Variants in BRINP3 observed in about 807,000 individuals in gnomAD.
BRINP3 encodes the protein BMP/retinoic acid-inducible neural-specific protein 3.
In BRINP3, 19 loss-of-function variants were observed where a neutral mutation model predicts 71.0. The ratio of observed to expected loss-of-function variants is 0.27; its 90% confidence interval spans 0.19 to 0.39. BRINP3 has a LOEUF of 0.39. Among genes scored for constraint, BRINP3 ranks in the 10% least tolerant of loss-of-function variants. The probability of loss-of-function intolerance (pLI) is 1.00; values close to 1 mark genes in which losing one functional copy is unlikely to be tolerated. For synonymous variants in BRINP3, 380 were observed against 337.7 expected (o/e 1.13, Z -1.37); for missense variants, 959 against 940.8 (o/e 1.02, Z -0.25).
At chr1:190,281,370 T>C (rs899427567) in intron 3 of BRINP3, among the ~76,000 whole-genome samples, 190 bp downstream of exon 3, 1 of 152,004 alleles carries the variant, frequency 6.6e-6, no homozygotes, top group Non-Finnish European at 1.5e-5. Flanking sequence ...CTTAGTAATA[T>C]TCATCTGCTT....
chr1:190,202,168 C>T (rs926813767), intron 6 of BRINP3, among the ~76,000 whole-genome samples: 3 of 152,268 alleles, frequency 2.0e-5, no homozygotes, highest in Admixed American at 6.5e-5. Context: ...GCAAACCTTC[C>T]TCTTGTATCA....
intron 3 of BRINP3, among the ~76,000 whole-genome samples, chr1:190,280,642 A>T (rs1662963844): frequency 6.6e-6 from 1 of 151,868 alleles, no homozygotes; most frequent in African/African-American, 2.4e-5. Context: ...GCCTTTTGTG[A>T]CACCATACCA....
intron 7 of BRINP3, among the ~76,000 whole-genome samples, chr1:190,154,786 C>T (rs550851410): frequency 1.3e-5 from 2 of 152,162 alleles, no homozygotes; most frequent in Admixed American, 1.3e-4. Flanking sequence ...ATAACTTTTG[C>T]CATTATTTTA....
At chr1:190,435,045 T>C (rs1294257159) in intron 2 of BRINP3, among the ~76,000 whole-genome samples, 1 of 152,180 alleles carries the variant, frequency 6.6e-6, no homozygotes, top group Non-Finnish European at 1.5e-5. Flanking sequence ...AAAAAAAGTA[T>C]AGTTTGTTTA....
chr1:190,265,142 G>T, intron 3 of BRINP3, 87 bp from the exon 4 acceptor site: 1 of 1,210,174 alleles, frequency 8.3e-7, no homozygotes, highest in Non-Finnish European at 1.1e-6. Context: ...TCTAGCTTAT[G>T]AATATAGTAA....
intron 4 of BRINP3, among the ~76,000 whole-genome samples, chr1:190,237,986 G>T (rs1282829044): frequency 6.6e-6 from 1 of 151,968 alleles, no homozygotes. Context: ...ATCCTATATT[G>T]TAACAAGAAA....
intron 2 of BRINP3, among the ~76,000 whole-genome samples, chr1:190,320,686 C>T (rs976066888): frequency 6.6e-6 from 1 of 151,974 alleles, no homozygotes; most frequent in Non-Finnish European, 1.5e-5. Flanking sequence ...AACACACACA[C>T]ACACACTCAC....
At chr1:190,413,275 G>T (rs1013200721) in intron 2 of BRINP3, among the ~76,000 whole-genome samples, 1 of 151,972 alleles carries the variant, frequency 6.6e-6, no homozygotes, top group African/African-American at 2.4e-5. Context: ...AACTATCCTA[G>T]GGGACTGATA....
At chr1:190,108,371 T>C (rs1652373442) in intron 7 of BRINP3, among the ~76,000 whole-genome samples, 1 of 151,826 alleles carries the variant, frequency 6.6e-6, no homozygotes, top group Non-Finnish European at 1.5e-5. Context: ...CACACGCTGG[T>C]ATAAAATTTG....
rs1213565723 is a variant in BRINP3 at position 190,458,246 on chromosome 1, A to G, written c.-50-3306T>C. Among the ~76,000 whole-genome samples the G allele has an allele frequency of 2.0e-5, 3 of 152,124 alleles. No individual in the cohort carries two copies. The East Asian group carries it at 5.8e-4, about 29-fold the overall frequency. ...ACATAGGAATGTCAATCTTACCCCA[A>G]ATTAAGTTAATTTTGGTGATATCCT... On this transcript the variant is annotated intron_variant, in intron 1 of 7. Transcript: ENST00000367462.
intron 4 of BRINP3, among the ~76,000 whole-genome samples, chr1:190,255,527 A>G (rs898069946): frequency 1.3e-5 from 2 of 152,122 alleles, no homozygotes; most frequent in African/African-American, 4.8e-5. Flanking sequence ...GTAGGTGTCC[A>G]GGAATTTGTC....
intron 2 of BRINP3, among the ~76,000 whole-genome samples, chr1:190,429,514 A>G (rs1673947564): frequency 6.6e-6 from 1 of 151,850 alleles, no homozygotes; most frequent in African/African-American, 2.4e-5. Flanking sequence ...AGACATATTC[A>G]TTACTTACTG....
intron 4 of BRINP3, among the ~76,000 whole-genome samples, chr1:190,263,334 T>C (rs1661357104): frequency 3.3e-5 from 5 of 152,182 alleles, no homozygotes; most frequent in Admixed American, 3.3e-4. Flanking sequence ...TGTTACTCAA[T>C]ATAACATTAG....
chr1:190,302,190 T>C (rs1243805562), intron 2 of BRINP3, among the ~76,000 whole-genome samples: 2 of 149,632 alleles, frequency 1.3e-5, no homozygotes. Context: ...TATGTTACAG[T>C]CCACCTTGGT....
rs1657356357 is a variant in BRINP3 at position 190,226,154 on chromosome 1, G to C, written c.889C>G (p.Gln297Glu). ...PECNCPSMDI[Q>E]AMEENLLRIT... ...CGAAGAAGATTCTCTTCCATGGCTT[G>C]AATGTCCATGGAGGGGCAGTTGCAT... Residue 297 changes from glutamine to glutamate, a missense_variant, in exon 6 of 8, where the codon CAA (glutamine) becomes GAA (glutamate). Transcript: ENST00000367462. 2 of 1,612,254 alleles carry C rather than the reference G, an allele frequency of 1.2e-6. No individual in the cohort carries two copies. Among genetic ancestry groups the C allele is most frequent in the South Asian group, 1.1e-5 (1 of 90,974 alleles).
chr1:190,218,920 G>T (rs1196259837), intron 6 of BRINP3, among the ~76,000 whole-genome samples: 1 of 151,988 alleles, frequency 6.6e-6, no homozygotes, highest in Non-Finnish European at 1.5e-5. Context: ...AAAATATTTT[G>T]TTGAAGCCAT....
chr1:190,160,560 T>A, intron 7 of BRINP3, 108 bp downstream of exon 7: 1 of 818,150 alleles, frequency 1.2e-6, no homozygotes. Flanking sequence ...TCTAATAGTA[T>A]AAATTAGATC....
Position 190,322,473 on chromosome 1 carries a change from T to C in BRINP3, c.237-40723A>G, listed in dbSNP as rs74129281. On this transcript the variant is annotated intron_variant, in intron 2 of 7. Transcript: ENST00000367462. ...CTCACTTGTGACAGAACACCATGGA[T>C]TGCGTATACACATGATTGAGTACAC... 7.1e-3 allele frequency among the ~76,000 whole-genome samples: 1,079 copies of C among 151,980 alleles called. 17 individuals are homozygous for C. The highest frequency in any genetic ancestry group is 0.024 in the African/African-American group (1,014 of 41,478).
chr1:190,141,492 A>G (rs1324464030), intron 7 of BRINP3, among the ~76,000 whole-genome samples: 3 of 149,818 alleles, frequency 2.0e-5, no homozygotes, highest in Non-Finnish European at 4.4e-5. Flanking sequence ...TTAGAATATC[A>G]CTTAATATTT....
Sources: allele counts gnomAD v4.1 joint callset (sites outside exome capture counted in the v4.1 genomes callset), GRCh38; gene constraint gnomAD v4.1.1; transcripts MANE v1.5; gene names NCBI Gene and HGNC (gene_info 2026-07-23, HGNC 2026-07-21).